Variants in CAMKK2 observed in about 807,000 individuals in gnomAD.
CAMKK2 encodes the protein calcium/calmodulin dependent protein kinase kinase 2.
A neutral mutation model predicts 67.2 loss-of-function variants in CAMKK2; 30 were observed. That is an observed-to-expected ratio of 0.45 (90% confidence interval 0.33 to 0.61). The LOEUF is 0.61. Among genes scored for constraint, CAMKK2 ranks in the 20% least tolerant of loss-of-function variants. The pLI is 0.02. For missense variants in CAMKK2, 643 were observed against 802.0 expected, an observed-to-expected ratio of 0.80 and a Z score of 2.39; for synonymous variants, 322 against 326.2, an observed-to-expected ratio of 0.99 and a Z score of 0.14.
intron 12 of CAMKK2, 22 bp downstream of exon 12, chr12:121,249,939 C>T (rs772540560): frequency 4.3e-6 from 7 of 1,613,198 alleles, no homozygotes; most frequent in African/African-American, 1.3e-5. Flanking sequence ...AGGAGAGATG[C>T]GGGACGGCGG....
intron 9 of CAMKK2, among the ~76,000 whole-genome samples, chr12:121,254,547 G>A (rs1891463650): frequency 6.6e-6 from 1 of 152,068 alleles, no homozygotes; most frequent in Non-Finnish European, 1.5e-5. Context: ...TCTCAGCCCT[G>A]GTGAGAGATA....
At chr12:121,243,955 T>C (rs1888888294) in intron 16 of CAMKK2, 16 of 1,453,102 alleles carry the variant, frequency 1.1e-5, no homozygotes, top group Non-Finnish European at 1.5e-5. Context: ...GCCCAGCAGG[T>C]TCTCCCAGTC....
intron 5 of CAMKK2, among the ~76,000 whole-genome samples, chr12:121,264,884 T>A (rs562297947): frequency 6.6e-6 from 1 of 150,624 alleles, no homozygotes; most frequent in Non-Finnish European, 1.5e-5. Context: ...GGTGGGAGGA[T>A]CACCTGCGCC....
In CAMKK2 at chr12:121,268,407, T is replaced by A. The variant is rs1027690699; in HGVS notation, c.625+231A>T. On this transcript the variant is annotated intron_variant, in intron 5 of 16. Transcript: ENST00000404169. Reference sequence around the variant, plus strand: ...TTTAATAAATATTTTTATTTTATTATTTTTTGAGACAGAGTCTTGCTCTGT... The same window carrying A: ...TTTAATAAATATTTTTATTTTATTAATTTTTGAGACAGAGTCTTGCTCTGT... Among the ~76,000 whole-genome samples the A allele has an allele frequency of 2.6e-5, 4 of 152,158 alleles. No homozygotes were observed. In the East Asian group the frequency reaches 5.8e-4, roughly 22 times the overall value.
chr12:121,287,168 A>T (rs1401393184), intron 1 of CAMKK2, among the ~76,000 whole-genome samples: 1 of 152,146 alleles, frequency 6.6e-6, no homozygotes, highest in Admixed American at 6.5e-5. Context: ...AGCCTCCCAA[A>T]GTGCTGGGAT....
intron 7 of CAMKK2, among the ~76,000 whole-genome samples, chr12:121,259,147 T>A (rs931359208): frequency 6.6e-6 from 1 of 152,152 alleles, no homozygotes. Flanking sequence ...CGATCCAAGT[T>A]CTTTACAATG....
Position 121,288,382 on chromosome 12 carries a change from A to T in CAMKK2, c.-60+8256T>A, listed in dbSNP as rs181306537. ...GCTAAATCTAGCTGCAAGCCTCCTCAGCTGAGGGACAAGAAGAGTGCAGGG... is the reference window on the plus strand; with the variant it reads ...GCTAAATCTAGCTGCAAGCCTCCTCTGCTGAGGGACAAGAAGAGTGCAGGG... On this transcript the variant is annotated intron_variant, in intron 1 of 16. Coordinates refer to ENST00000404169, the MANE Select transcript of CAMKK2 (RefSeq NM_001270485.2). Among the ~76,000 whole-genome samples, 38 of 152,088 alleles carry T rather than the reference A, an allele frequency of 2.5e-4. 1 individual carries two copies. The East Asian group carries it at 7.4e-3, about 29-fold the overall frequency.
rs1466042889 is a variant in CAMKK2, at chr12:121,251,768, A to G, written c.1161+893T>C. On this transcript the variant is annotated intron_variant, in intron 11 of 16. Transcript: ENST00000404169. ...CTTGAACCCGGGAGGCGGAGGTTGC[A>G]GTGAGCCGAGATCGCACCACTACAC... Among the ~76,000 whole-genome samples the G allele has an allele frequency of 5.4e-5, 8 of 148,522 alleles. No homozygotes were observed. The Admixed American group carries it at 5.4e-4, about 10-fold the overall frequency.
chr12:121,241,182 A>G (rs1593248402), intron 16 of CAMKK2, among the ~76,000 whole-genome samples: 1 of 151,616 alleles, frequency 6.6e-6, no homozygotes, highest in East Asian at 1.9e-4. Context: ...AGTAGAAGGC[A>G]CCCCCCACCC....
intron 1 of CAMKK2, among the ~76,000 whole-genome samples, chr12:121,292,743 G>A (rs1008559193): frequency 1.3e-5 from 2 of 152,170 alleles, no homozygotes; most frequent in African/African-American, 4.8e-5. Flanking sequence ...TGAGCCTAGA[G>A]GATCACTTGA....
intron 16 of CAMKK2, among the ~76,000 whole-genome samples, chr12:121,242,867 C>T (rs1405934242): frequency 5.9e-5 from 9 of 152,136 alleles, no homozygotes; most frequent in South Asian, 2.1e-4. Context: ...CTCAGCCTCC[C>T]GAGTAGCTGG....
intron 1 of CAMKK2, among the ~76,000 whole-genome samples, chr12:121,289,073 C>A (rs1024981185): frequency 6.6e-6 from 1 of 152,114 alleles, no homozygotes. Context: ...AATCCCCCCA[C>A]CCCACCCCAA....
chr12:121,273,578 G>A (rs540753791), intron 2 of CAMKK2, among the ~76,000 whole-genome samples: 2 of 152,124 alleles, frequency 1.3e-5, no homozygotes, highest in South Asian at 2.1e-4. Flanking sequence ...TCAGTGACCC[G>A]CCTCATTCCA....
At chr12:121,249,431 C>T (rs550900433) in intron 13 of CAMKK2, among the ~76,000 whole-genome samples, 1 of 152,340 alleles carries the variant, frequency 6.6e-6, no homozygotes, top group South Asian at 2.1e-4. Flanking sequence ...CTCCCATCCT[C>T]ACTGCAGTTT....
intron 1 of CAMKK2, among the ~76,000 whole-genome samples, chr12:121,295,018 A>C (rs1305563938): frequency 2.6e-5 from 4 of 152,044 alleles, no homozygotes; most frequent in Non-Finnish European, 5.9e-5. Flanking sequence ...AAAAATACAG[A>C]AATTAGCCAG....
intron 16 of CAMKK2, chr12:121,244,227 C>T (rs758280650): frequency 3.0e-6 from 4 of 1,317,850 alleles, no homozygotes; most frequent in East Asian, 2.4e-5. Context: ...CATGCGGACT[C>T]GGGGGGGCAC....
At chr12:121,242,656 A>G (rs1321472803) in intron 16 of CAMKK2, among the ~76,000 whole-genome samples, 4 of 152,230 alleles carry the variant, frequency 2.6e-5, no homozygotes, top group African/African-American at 9.6e-5. Flanking sequence ...TTCTCTCAAA[A>G]GCATAAATAA....
At chr12:121,261,866 G>A (rs981106184) in intron 6 of CAMKK2, among the ~76,000 whole-genome samples, 4 of 152,112 alleles carry the variant, frequency 2.6e-5, no homozygotes, top group African/African-American at 9.7e-5. Context: ...GGCTGCCCCC[G>A]CTTTGTACTC....
At position 121,274,602 on chromosome 12, in the gene CAMKK2, G is replaced by A. The variant is rs892509359; in HGVS notation, c.-59-17C>T. ...CGGAGCCACCTGCAGAAAGAGAAAGGGTCAGCTGGCCCAGCTCCTACGGGC... is the reference window on the plus strand; with the variant it reads ...CGGAGCCACCTGCAGAAAGAGAAAGAGTCAGCTGGCCCAGCTCCTACGGGC... On this transcript the variant is annotated splice_polypyrimidine_tract_variant and intron_variant, in intron 1 of 16. Transcript: ENST00000404169. The A allele has an allele frequency of 5.7e-6, 6 of 1,059,046 alleles. No homozygotes were observed. In the Admixed American group the frequency reaches 1.3e-4, roughly 22 times the overall value. 65.6% of individuals were successfully genotyped at this position (1,059,046 alleles called of 1,614,324 possible). A position where few individuals can be genotyped will look rare whatever the true frequency, so the allele number is the denominator to read the frequency against.
Sources: allele counts gnomAD v4.1 joint callset (sites outside exome capture counted in the v4.1 genomes callset), GRCh38; gene constraint gnomAD v4.1.1; transcripts MANE v1.5; gene names NCBI Gene and HGNC (gene_info 2026-07-23, HGNC 2026-07-21).